NGF: variants seen among roughly 807,000 people sequenced by gnomAD.
NGF encodes the protein beta-nerve growth factor.
In NGF, 4 loss-of-function variants were observed where a neutral mutation model predicts 12.8. The ratio of observed to expected loss-of-function variants is 0.31; its 90% CI spans 0.15 to 0.72. NGF has a LOEUF of 0.72. Among genes scored for constraint, NGF ranks in the 30% least tolerant of loss-of-function variants. The pLI, the probability that NGF is intolerant of heterozygous loss-of-function variation, is 0.69. For missense variants in NGF, 283 were observed against 330.8 expected, an observed-to-expected ratio of 0.86 and a Z score of 1.12; for synonymous variants, 140 against 130.0, an observed-to-expected ratio of 1.08 and a Z score of -0.52.
chr1:115,304,171 A>C (rs1654129811), intron 1 of NGF, among the ~76,000 whole-genome samples: 1 of 151,684 alleles, frequency 6.6e-6, no homozygotes, highest in Non-Finnish European at 1.5e-5. Context: ...ACATACACAC[A>C]CAAGTATTTT....
In NGF at chr1:115,286,140, G is replaced by C. The variant is rs371216746; in HGVS notation, c.656C>G (p.Ala219Gly). Residue 219 changes from alanine (A) to glycine (G), a missense_variant, in exon 3 of 3, where the codon GCC becomes GGC. Physicochemically the swap from Ala to Gly is moderately conservative, Grantham distance 60. Transcript: ENST00000369512. ...KALTMDGKQA[A>G]WRFIRIDTAC... ...CGTATCTATCCGGATAAACCGCCAG[G>C]CAGCCTGCTTGCCATCCATGGTCAG... 5 of 1,613,554 alleles carry C rather than the reference G, an allele frequency of 3.1e-6. No homozygotes were observed. In the African/African-American group the frequency reaches 6.7e-5, roughly 22 times the overall value.
At chr1:115,337,261 GT>G (rs368973980) in intron 1 of NGF, among the ~76,000 whole-genome samples, 43 of 11,754 alleles carry the variant, frequency 3.7e-3, no homozygotes, top group African/African-American at 3.9e-3. Flanking sequence ...TTTTTGTTTT[GT>G]TTTTGTTTTT....
chr1:115,322,247 G>A (rs1195418945), intron 1 of NGF, among the ~76,000 whole-genome samples: 1 of 152,152 alleles, frequency 6.6e-6, no homozygotes, highest in Non-Finnish European at 1.5e-5. Flanking sequence ...GCTCTTTGAT[G>A]GTGCTGAATA....
At chr1:115,290,311 T>C (rs1653647789) in intron 2 of NGF, among the ~76,000 whole-genome samples, 1 of 152,004 alleles carries the variant, frequency 6.6e-6, no homozygotes, top group African/African-American at 2.4e-5. Context: ...ATCCTTCCTG[T>C]TGTCCTTCAA....
At chr1:115,288,401 T>A (rs1442057567) in intron 2 of NGF, among the ~76,000 whole-genome samples, 2 of 151,952 alleles carry the variant, frequency 1.3e-5, no homozygotes, top group East Asian at 3.9e-4. Context: ...TCTCCCAGAG[T>A]AGTTGTTAGG....
At chr1:115,322,432 G>C (rs545786391) in intron 1 of NGF, among the ~76,000 whole-genome samples, 93 of 152,280 alleles carry the variant, frequency 6.1e-4, no homozygotes, top group African/African-American at 2.1e-3. Context: ...AGGCTACAAG[G>C]AGTGGGCCCC....
At position 115,311,135 on chromosome 1, in the gene NGF, T is replaced by C. The variant is rs141498322; in HGVS notation, c.-136-17385A>G. Among the ~76,000 whole-genome samples, 1,040 of 152,328 alleles carry C rather than the reference T, an allele frequency of 6.8e-3. 12 individuals carry two copies. The highest frequency in any genetic ancestry group is 0.024 in the African/African-American group (1,004 of 41,570). On this transcript the variant is annotated intron_variant, in intron 1 of 2. Transcript: ENST00000369512. Reference sequence around the variant, plus strand: ...ATCTAGTTCCAAAGCACAAAAAGCATTGATTTTCATTCTCTGGGAACATAC... The same window carrying C: ...ATCTAGTTCCAAAGCACAAAAAGCACTGATTTTCATTCTCTGGGAACATAC...
Position 115,290,548 on chromosome 1 carries a change from G to A in NGF, c.-13+3079C>T, listed in dbSNP as rs372361363. The stretch of plus-strand genomic sequence containing the variant: ...GTAGCTGGGACTACAGGCACACGCC[G>A]CCACGCCTGGCTAATTTTTCTATTT... On this transcript the variant is annotated intron_variant, in intron 2 of 2. Coordinates refer to ENST00000369512, the MANE Select transcript of NGF (RefSeq NM_002506.3). Among the ~76,000 whole-genome samples the A allele has an allele frequency of 2.3e-4, 35 of 151,378 alleles. No individual in the cohort carries two copies. In the East Asian group the frequency reaches 5.7e-3, roughly 25 times the overall value.
At chr1:115,329,184 A>G (rs945708062) in intron 1 of NGF, among the ~76,000 whole-genome samples, 1 of 152,132 alleles carries the variant, frequency 6.6e-6, no homozygotes, top group African/African-American at 2.4e-5. Flanking sequence ...AAGGCAGATG[A>G]TGACAGCAGC....
intron 1 of NGF, among the ~76,000 whole-genome samples, chr1:115,294,903 T>C (rs1653814930): frequency 6.6e-6 from 1 of 152,184 alleles, no homozygotes; most frequent in East Asian, 1.9e-4. Context: ...AGGAAGGCAG[T>C]GGAGGGCTTT....
intron 1 of NGF, among the ~76,000 whole-genome samples, chr1:115,333,180 C>G (rs2101057126): frequency 6.6e-6 from 1 of 152,258 alleles, no homozygotes; most frequent in Non-Finnish European, 1.5e-5. Context: ...ACCTATACCA[C>G]CAACTCTGAC....
chr1:115,288,404 T>C (rs752643158), intron 2 of NGF, among the ~76,000 whole-genome samples: 6 of 152,248 alleles, frequency 3.9e-5, no homozygotes, highest in South Asian at 2.1e-4. Context: ...CCCAGAGTAG[T>C]TGTTAGGATG....
chr1:115,337,261 GTTTTTGTTTTT>G (rs1655140376), intron 1 of NGF, among the ~76,000 whole-genome samples: 6 of 11,758 alleles, frequency 5.1e-4, no homozygotes, highest in African/African-American at 9.1e-4. Context: ...TTTTTGTTTT[GTTTTTGTTTTT>G]TTTTTTTTTT....
At chr1:115,297,841 T>C (rs1653917332) in intron 1 of NGF, among the ~76,000 whole-genome samples, 1 of 152,230 alleles carries the variant, frequency 6.6e-6, no homozygotes, top group Non-Finnish European at 1.5e-5. Flanking sequence ...TCCTGCTGCC[T>C]GTGTCTCACC....
chr1:115,316,470 C>G (rs1654478437), intron 1 of NGF, among the ~76,000 whole-genome samples: 1 of 152,092 alleles, frequency 6.6e-6, no homozygotes, highest in African/African-American at 2.4e-5. Flanking sequence ...AATTATATAG[C>G]TAATGATAGC....
intron 1 of NGF, among the ~76,000 whole-genome samples, chr1:115,337,583 C>T (rs927256673): frequency 6.6e-6 from 1 of 152,064 alleles, no homozygotes; most frequent in East Asian, 1.9e-4. Flanking sequence ...GCCGGACGGA[C>T]CCCGGCGTTG....
At chr1:115,305,637 G>A (rs1420582528) in intron 1 of NGF, among the ~76,000 whole-genome samples, 1 of 152,116 alleles carries the variant, frequency 6.6e-6, no homozygotes, top group Non-Finnish European at 1.5e-5. Flanking sequence ...CATTCTCTTT[G>A]TTTATACCCT....
rs552195476 is a variant in NGF, at chr1:115,336,762, C to T, written c.-137+1442G>A. 3.9e-4 allele frequency among the ~76,000 whole-genome samples: 59 copies of T among 152,326 alleles called. 1 individual carries two copies. The South Asian group carries it at 0.012, about 32-fold the overall frequency. Reference sequence around the variant, plus strand: ...CTCGAGAAGGGGAAAGATTCCCTTCCAGCAGACTTAACTGACGGCTTCAAG... The same window carrying T: ...CTCGAGAAGGGGAAAGATTCCCTTCTAGCAGACTTAACTGACGGCTTCAAG... On this transcript the variant is annotated intron_variant, in intron 1 of 2. Coordinates refer to ENST00000369512, the MANE Select transcript of NGF (RefSeq NM_002506.3).
chr1:115,321,332 T>C (rs1173917561), intron 1 of NGF, among the ~76,000 whole-genome samples: 1 of 152,198 alleles, frequency 6.6e-6, no homozygotes, highest in East Asian at 1.9e-4. Context: ...AGAAATGAAC[T>C]GAGCCCTGGG....
Sources: allele counts gnomAD v4.1 joint callset (sites outside exome capture counted in the v4.1 genomes callset), GRCh38; gene constraint gnomAD v4.1.1; transcripts MANE v1.5; gene names NCBI Gene and HGNC (gene_info 2026-07-23, HGNC 2026-07-21).